AGFG2: variants seen among roughly 807,000 people sequenced by gnomAD.
The protein encoded by AGFG2 is ArfGAP with FG repeats 2, also known as arf-GAP domain and FG repeat-containing protein 2.
In AGFG2, 31 loss-of-function variants were observed where a neutral mutation model predicts 48.0. The ratio of observed to expected loss-of-function variants is 0.65; its 90% CI spans 0.49 to 0.87. The LOEUF is 0.87. Ranked by LOEUF, AGFG2 falls within the 40% of genes least tolerant of loss-of-function variation. AGFG2 has a pLI of 0.00. For missense variants in AGFG2, 599 were observed against 632.6 expected (o/e 0.95, Z 0.57); for synonymous variants, 229 against 260.8 (o/e 0.88, Z 1.18).
At position 100,548,895 on chromosome 7, in the gene AGFG2, C is replaced by T; in HGVS notation, c.295C>T (p.Leu99=). 1.9e-6 allele frequency: 3 copies of T among 1,613,660 alleles called. No homozygotes were observed. Among genetic ancestry groups the T allele is most frequent in the Non-Finnish European group, 2.5e-6 (3 of 1,179,728 alleles). ...TTTCACTGAGCCTGAAGTAGTATTC[C>T]TGCAATCCCGTGGAAATGAGGTGAG... The part of the protein sequence containing the change: ...TTFTEPEVVF[L]QSRGNEVCRK... Residue 99 remains leucine (L), a synonymous_variant, in exon 2 of 12, where the codon CTG becomes TTG. Transcript: ENST00000300176.
At chr7:100,563,134 G>C (rs1465760582) in intron 9 of AGFG2, among the ~76,000 whole-genome samples, 188 bp downstream of exon 9, 1 of 152,222 alleles carries the variant, frequency 6.6e-6, no homozygotes, top group Admixed American at 6.5e-5. Flanking sequence ...AGAATTAGAA[G>C]CACACAGGTG....
At chr7:100,548,984 A>G in intron 2 of AGFG2, 69 bp downstream of exon 2, 2 of 1,300,028 alleles carry the variant, frequency 1.5e-6, no homozygotes, top group Non-Finnish European at 2.2e-6. Context: ...TCAAGATTGT[A>G]GGGAAACCTT....
At chr7:100,542,235 C>T (rs933202720) in intron 1 of AGFG2, among the ~76,000 whole-genome samples, 21 of 152,126 alleles carry the variant, frequency 1.4e-4, no homozygotes, top group Non-Finnish European at 2.1e-4. Context: ...AGGCTGGTCT[C>T]GAACTCCTGA....
intron 1 of AGFG2, among the ~76,000 whole-genome samples, chr7:100,546,924 G>GT (rs1800522113): frequency 1.3e-5 from 2 of 152,254 alleles, no homozygotes; most frequent in East Asian, 1.9e-4. Context: ...CCTTGCTTTC[G>GT]TTTTTCCCTG....
In AGFG2 at chr7:100,562,229, C is replaced by T; in HGVS notation, c.878-30C>T. 6.2e-7 allele frequency: 1 copy of T among 1,608,836 alleles called. No individual in the cohort carries two copies. On this transcript the variant is annotated intron_variant, in intron 6 of 11. Coordinates refer to ENST00000300176, the MANE Select transcript of AGFG2 (RefSeq NM_006076.5). This position sits in a 1 kb window ranked among gnomAD's most constrained non-coding sequence, Gnocchi z 5.4. ...CCTCCCGCCCTGTCTTACCTCAGCT[C>T]TCCCTGTTGTATTTTCCACAACTGC...
intron 1 of AGFG2, among the ~76,000 whole-genome samples, chr7:100,547,005 C>A (rs1370363264): frequency 6.6e-6 from 1 of 152,118 alleles, no homozygotes; most frequent in Admixed American, 6.6e-5. Flanking sequence ...TTTTTGAGAC[C>A]CTTTATACCT....
intron 6 of AGFG2, among the ~76,000 whole-genome samples, chr7:100,557,036 C>A (rs1800773359): frequency 1.3e-5 from 2 of 151,664 alleles, no homozygotes; most frequent in Non-Finnish European, 2.9e-5. Context: ...CGTCTCTACT[C>A]AAAATACAAA....
intron 1 of AGFG2, among the ~76,000 whole-genome samples, chr7:100,540,882 C>T (rs770156827): frequency 1.2e-4 from 18 of 151,832 alleles, no homozygotes; most frequent in Admixed American, 2.0e-4. Flanking sequence ...TGTGGTGGCG[C>T]GCACCTGTAC....
chr7:100,545,254 T>C (rs1266935936), intron 1 of AGFG2, among the ~76,000 whole-genome samples: 4 of 152,292 alleles, frequency 2.6e-5, no homozygotes, highest in South Asian at 2.1e-4. Flanking sequence ...AACTTTCTTA[T>C]CTGAGCAGCT....
Position 100,539,256 on chromosome 7 carries a change from G to C in AGFG2, c.-91G>C. On this transcript the variant is annotated 5_prime_UTR_variant, in exon 1 of 12. Transcript: ENST00000300176. The stretch of plus-strand genomic sequence containing the variant: ...CGCCCGCTCCCGAGCTTCTGTCAGG[G>C]GAGCCGGGCGTGCGGAGGCGGCTGA... 8.2e-7 allele frequency: 1 copy of C among 1,226,300 alleles called. No homozygotes were observed. The highest frequency in any genetic ancestry group is 1.0e-6 in the Non-Finnish European group (1 of 968,124). The allele number at this position is 1,226,300 out of a possible 1,614,324, so 76.0% of individuals were successfully genotyped here.
At chr7:100,543,794 C>A (rs1411698964) in intron 1 of AGFG2, among the ~76,000 whole-genome samples, 1 of 152,140 alleles carries the variant, frequency 6.6e-6, no homozygotes, top group East Asian at 1.9e-4. Flanking sequence ...AGAAAGGCTG[C>A]TAGTTTCTGC....
chr7:100,563,584 G>A lies in AGFG2; in HGVS notation c.1172-250G>A, dbSNP rs553521824. Among the ~76,000 whole-genome samples, 4 of 152,338 alleles carry A rather than the reference G, an allele frequency of 2.6e-5. No homozygotes were observed. In the East Asian group the frequency reaches 7.7e-4, roughly 29 times the overall value. On this transcript the variant is annotated intron_variant, in intron 9 of 11. Transcript: ENST00000300176. ...GTGCTGTTTTTGCAGTTTAGTGGGA[G>A]GCTAGCCCAGTCCTGCACCGCGCCC...
intron 11 of AGFG2, 57 bp downstream of exon 11, chr7:100,564,360 A>C (rs915617579): frequency 6.5e-7 from 1 of 1,541,620 alleles, no homozygotes; most frequent in African/African-American, 1.4e-5. Context: ...CTCTGGGACA[A>C]TCCTTCCAGA....
chr7:100,544,456 C>T (rs1800475541), intron 1 of AGFG2, among the ~76,000 whole-genome samples: 1 of 152,088 alleles, frequency 6.6e-6, no homozygotes, highest in African/African-American at 2.4e-5. Context: ...ATTTTAATCT[C>T]CATGGGAGGA....
At chr7:100,561,412 C>G (rs1056222067) in intron 6 of AGFG2, among the ~76,000 whole-genome samples, 2 of 152,232 alleles carry the variant, frequency 1.3e-5, no homozygotes, top group Non-Finnish European at 2.9e-5. Context: ...CAGGCATGAA[C>G]TGCCGCGTCC....
intron 9 of AGFG2, 63 bp from the exon 10 acceptor site, chr7:100,563,771 A>G: frequency 6.3e-7 from 1 of 1,598,152 alleles, no homozygotes; most frequent in Non-Finnish European, 8.5e-7. Context: ...GGGACTTAGG[A>G]AAAACAGTTC....
intron 5 of AGFG2, among the ~76,000 whole-genome samples, chr7:100,554,770 A>C (rs562754735): frequency 4.0e-5 from 6 of 151,796 alleles, no homozygotes; most frequent in African/African-American, 1.4e-4. Context: ...CCTCATCTCT[A>C]CTAAAAAGAA....
In AGFG2 at chr7:100,539,297, G is replaced by A. The variant is rs1356905788; in HGVS notation, c.-50G>A. 7.9e-7 allele frequency: 1 copy of A among 1,269,520 alleles called. No individual in the cohort carries two copies. 78.6% of individuals were successfully genotyped at this position (1,269,520 alleles called of 1,614,324 possible). On this transcript the variant is annotated 5_prime_UTR_variant, in exon 1 of 12. Coordinates refer to ENST00000300176, the MANE Select transcript of AGFG2 (RefSeq NM_006076.5). ...AGGCGGCTGAGGAGGCGGGAAGGCGGCAGTGGTTGAAGGGGTGATTGCTGA... is the reference window on the plus strand; with the variant it reads ...AGGCGGCTGAGGAGGCGGGAAGGCGACAGTGGTTGAAGGGGTGATTGCTGA...
At position 100,562,783 on chromosome 7, in the gene AGFG2, CAG is replaced by C; in HGVS notation, c.1088-79_1088-78del. 2 of 1,593,916 alleles carry C rather than the reference CAG, an allele frequency of 1.3e-6. No individual in the cohort carries two copies. The highest frequency in any genetic ancestry group is 1.7e-6 in the Non-Finnish European group (2 of 1,164,456). On this transcript the variant is annotated intron_variant, in intron 8 of 11. Coordinates refer to ENST00000300176, the MANE Select transcript of AGFG2 (RefSeq NM_006076.5). This position sits in a 1 kb window ranked among gnomAD's most constrained non-coding sequence, Gnocchi z 5.4. ...AAGGGGAGAGATTGAGAGGAATGCT[CAG>C]GCATCACAGGATGAAGCACGTGAGA... is the stretch of plus-strand genomic sequence containing the variant.
Sources: allele counts gnomAD v4.1 joint callset (sites outside exome capture counted in the v4.1 genomes callset), GRCh38; gene constraint gnomAD v4.1.1; non-coding constraint Gnocchi (gnomAD v3.1); transcripts MANE v1.5; gene names NCBI Gene and HGNC (gene_info 2026-07-23, HGNC 2026-07-21).